CSPG4: variants seen among roughly 807,000 people sequenced by gnomAD.
CSPG4 encodes chondroitin sulfate proteoglycan 4 (melanoma-associated).
In CSPG4, 74 loss-of-function variants were observed where a neutral mutation model predicts 139.3. The ratio of observed to expected loss-of-function variants is 0.53; its 90% CI spans 0.44 to 0.64. The LOEUF (loss-of-function observed/expected upper bound fraction) is 0.64. Ranked by LOEUF, CSPG4 falls within the 30% of genes least tolerant of loss-of-function variation. The pLI, the probability that CSPG4 is intolerant of heterozygous loss-of-function variation, is 0.00. For missense variants in CSPG4, 2,565 were observed against 3,148.3 expected (o/e 0.81, Z 4.43); for synonymous variants, 1,234 against 1,394.2 (o/e 0.89, Z 2.56).
At chr15:75,694,012 T>C (rs1369216841) in intron 1 of CSPG4, among the ~76,000 whole-genome samples, 1 of 152,238 alleles carries the variant, frequency 6.6e-6, no homozygotes, top group East Asian at 1.9e-4. Context: ...GGAGAGCTAT[T>C]CACAGTCCCC....
At chr15:75,695,683 G>C (rs921211493) in intron 1 of CSPG4, among the ~76,000 whole-genome samples, 5 of 152,140 alleles carry the variant, frequency 3.3e-5, no homozygotes, top group African/African-American at 4.8e-5. Flanking sequence ...AGTTGAAGAG[G>C]GGCTTCAAAT....
Position 75,678,437 on chromosome 15 carries a change from C to T in CSPG4, c.4951-551G>A. 4.3e-5 allele frequency: 15 copies of T among 350,852 alleles called. 1 individual carries two copies. The highest frequency in any genetic ancestry group is 2.3e-4 in the South Asian group (11 of 46,858). The allele number at this position is 350,852 out of a possible 1,614,324, so 21.7% of individuals were successfully genotyped here. ...GCGTGATCATGGCTCACTGCAGCCT[C>T]GACCTCCAGGGCTCAAGCGATCCTC... On this transcript the variant is annotated intron_variant, in intron 8 of 9. Coordinates refer to ENST00000308508, the MANE Select transcript of CSPG4 (RefSeq NM_001897.5).
chr15:75,688,794 C>G lies in CSPG4; in HGVS notation c.2271G>C (p.Glu757Asp). 6.2e-7 allele frequency: 1 copy of G among 1,612,932 alleles called. No homozygotes were observed. Among genetic ancestry groups the G allele is most frequent in the Non-Finnish European group, 8.5e-7 (1 of 1,179,888 alleles). ...DPQHHAYDTV[E>D]NLALEVQVGQ... ...CCACCTGCACCTCCAGGGCCAGGTT[C>G]TCCACGGTGTCGTAAGCGTGGTGCT... Residue 757 changes from glutamate to aspartate, a missense_variant, in exon 3 of 10, where the codon GAG becomes GAC. This residue lies in a region of CSPG4 where 2,316 missense variants were observed against 2,818.2 expected (regional missense o/e 0.82). Coordinates refer to ENST00000308508, the MANE Select transcript of CSPG4 (RefSeq NM_001897.5).
intron 4 of CSPG4, 44 bp from the exon 5 acceptor site, chr15:75,684,956 C>T: frequency 6.4e-7 from 1 of 1,568,998 alleles, no homozygotes; most frequent in Non-Finnish European, 8.7e-7. Flanking sequence ...CAGCAGCACC[C>T]TTCATGCCCT....
chr15:75,705,015 G>T (rs933210328), intron 1 of CSPG4, among the ~76,000 whole-genome samples: 17 of 152,196 alleles, frequency 1.1e-4, no homozygotes, highest in African/African-American at 4.1e-4. Flanking sequence ...AAGGTCTTGG[G>T]GCCTGCTCAT....
At position 75,688,198 on chromosome 15, in the gene CSPG4, A is replaced by G. The variant is rs1894093740; in HGVS notation, c.2867T>C (p.Met956Thr). 1 of 1,612,884 alleles carries G rather than the reference A, an allele frequency of 6.2e-7. No homozygotes were observed. The highest frequency in any genetic ancestry group is 1.3e-5 in the African/African-American group (1 of 75,068). The change falls in exon 3 of 10, where the codon ATG becomes ACG. Residue 956 changes from methionine to threonine, a missense_variant. Transcript: ENST00000308508. ...GTCTTCATTGGTGAAGGATGTCACC[A>G]TAGTGGTCTTGTCCTGTGTCCCACG... Reference protein sequence around the residue: ...AWRGTQDKTTMVTSFTNEDLL... With the variant: ...AWRGTQDKTTTVTSFTNEDLL...
chr15:75,690,906 G>T, intron 2 of CSPG4, 94 bp from the exon 3 acceptor site: 1 of 1,367,668 alleles, frequency 7.3e-7, no homozygotes, highest in Non-Finnish European at 9.9e-7. Context: ...TTGCAGTGGT[G>T]GCTCATGCCT....
rs530215569 is a variant in CSPG4 at position 75,687,391 on chromosome 15, G to A, written c.3674C>T (p.Thr1225Ile). 3 of 1,613,000 alleles carry A rather than the reference G, an allele frequency of 1.9e-6. No individual in the cohort carries two copies. Among genetic ancestry groups the A allele is most frequent in the East Asian group, 4.5e-5 (2 of 44,884 alleles). Residue 1225 changes from threonine to isoleucine, a missense_variant, in exon 3 of 10, where the codon ACC becomes ATC. Around this residue, in one of 5 missense-constraint regions of CSPG4, gnomAD observed 2,316 missense variants for 2,818.2 expected, o/e 0.82. Transcript: ENST00000308508. The surrounding 1 kb of genome is among the most constrained non-coding windows in gnomAD (Gnocchi z 5.4). ...CTCTAGGGCAATGGTCACTTGTAGGGTGGCATCCGTGTGCACTGGCCCTGC... is the reference window on the plus strand; with the variant it reads ...CTCTAGGGCAATGGTCACTTGTAGGATGGCATCCGTGTGCACTGGCCCTGC... ...VEAGPVHTDA[T>I]LQVTIALEGP...
chr15:75,703,372 G>A (rs1355736375), intron 1 of CSPG4, among the ~76,000 whole-genome samples: 2 of 151,726 alleles, frequency 1.3e-5, no homozygotes, highest in Non-Finnish European at 2.9e-5. Flanking sequence ...GAAGCCGTGA[G>A]GGGAGACTGA....
Position 75,676,246 on chromosome 15 carries a change from A to G in CSPG4, c.6273T>C (p.His2091=). ...PRFRLLEGPR[H]GRVVRVPRAR... ...CTCGGGGCACGCGGACCACGCGGCC[A>G]TGCCGGGGTCCCTCCAGGAGGCGGA... Residue 2091 remains histidine, a synonymous_variant, in exon 10 of 10, where the codon CAT becomes CAC. Transcript: ENST00000308508. 1.3e-6 allele frequency: 2 copies of G among 1,559,424 alleles called. No homozygotes were observed. The highest frequency in any genetic ancestry group is 1.7e-6 in the Non-Finnish European group (2 of 1,158,986).
At chr15:75,686,676 A>C (rs1401480417) in intron 3 of CSPG4, among the ~76,000 whole-genome samples, 1 of 152,146 alleles carries the variant, frequency 6.6e-6, no homozygotes. Context: ...TGTCGGCCCC[A>C]AGCTCCAGAC....
Position 75,689,010 on chromosome 15 carries a change from G to C in CSPG4, c.2055C>G (p.Asn685Lys), listed in dbSNP as rs757025403. The C allele has an allele frequency of 1.2e-6, 2 of 1,612,120 alleles. No homozygotes were observed. Among genetic ancestry groups the C allele is most frequent in the Admixed American group, 1.7e-5 (1 of 60,014 alleles). ...QGSAMPILPANLSVETNAVGQ... is the reference protein window; with the variant it reads ...QGSAMPILPAKLSVETNAVGQ... ...CCACGGCATTGGTCTCCACCGACAG[G>C]TTGGCGGGCAAGATGGGCATGGCAG... Residue 685 changes from asparagine to lysine, a missense_variant, in exon 3 of 10, where the codon AAC (asparagine) becomes AAG (lysine). Coordinates refer to ENST00000308508, the MANE Select transcript of CSPG4 (RefSeq NM_001897.5).
In CSPG4 at chr15:75,690,820, G is replaced by C; in HGVS notation, c.253-8C>G. On this transcript the variant is annotated splice_polypyrimidine_tract_variant and splice_region_variant and intron_variant, in intron 2 of 9. Coordinates refer to ENST00000308508, the MANE Select transcript of CSPG4 (RefSeq NM_001897.5). ...GCCCAGAACAAGTCTGACCTGAAGA[G>C]AGATGGGGAGTGGGAGATAGTGGAC... 6.9e-6 allele frequency: 11 copies of C among 1,597,064 alleles called. No homozygotes were observed. The highest frequency in any genetic ancestry group is 9.4e-6 in the Non-Finnish European group (11 of 1,169,158).
intron 1 of CSPG4, among the ~76,000 whole-genome samples, chr15:75,695,223 A>G (rs1251490449): frequency 2.0e-5 from 3 of 152,092 alleles, no homozygotes; most frequent in Non-Finnish European, 4.4e-5. Flanking sequence ...GTATATGTAG[A>G]CCCGCCAAGT....
At chr15:75,686,444 G>A (rs937629345) in intron 3 of CSPG4, among the ~76,000 whole-genome samples, 11 of 151,938 alleles carry the variant, frequency 7.2e-5, no homozygotes, top group African/African-American at 2.4e-4. Flanking sequence ...CAGAGCTCAC[G>A]CCCCAAAGGC....
Position 75,712,780 on chromosome 15 carries a change from T to C in CSPG4, c.-25A>G. 1 of 1,529,496 alleles carries C rather than the reference T, an allele frequency of 6.5e-7. No individual in the cohort carries two copies. The allele number at this position is 1,529,496 out of a possible 1,614,324, so 94.7% of individuals were successfully genotyped here. A position where few individuals can be genotyped will look rare whatever the true frequency, so the allele number is the denominator to read the frequency against. The stretch of plus-strand genomic sequence containing the variant: ...TCCCGGCGGGCTGGGCGGCAGGACT[T>C]GCGAGGAGCCAGCGGAGTCCTGGGA... On this transcript the variant is annotated 5_prime_UTR_variant, in exon 1 of 10. Coordinates refer to ENST00000308508, the MANE Select transcript of CSPG4 (RefSeq NM_001897.5).
chr15:75,676,761 T>G lies in CSPG4; in HGVS notation c.5758A>C (p.Ser1920Arg). The change falls in exon 10 of 10, where the codon AGC (serine) becomes CGC (arginine). Residue 1920 changes from serine to arginine, a missense_variant. Physicochemically the swap from Ser to Arg is moderately radical, Grantham distance 110. This residue lies in a region of CSPG4 where 2,316 missense variants were observed against 2,818.2 expected (regional missense o/e 0.82). Coordinates refer to ENST00000308508, the MANE Select transcript of CSPG4 (RefSeq NM_001897.5). The stretch of plus-strand genomic sequence containing the variant: ...GGTGGGCTGGCCCCATCAGACATGC[T>G]CAGCTGGAAGATGCCTGCCACGCTG... The part of the protein sequence containing the change: ...GSSVAGIFQL[S>R]MSDGASPPLP... 6.4e-7 allele frequency: 1 copy of G among 1,554,500 alleles called. No individual in the cohort carries two copies. The highest frequency in any genetic ancestry group is 2.3e-5 in the East Asian group (1 of 44,094).
intron 1 of CSPG4, among the ~76,000 whole-genome samples, chr15:75,704,308 A>G (rs1442787757): frequency 1.3e-5 from 2 of 152,114 alleles, no homozygotes; most frequent in Admixed American, 6.5e-5. Flanking sequence ...AGGTAGCCCA[A>G]GGGCTGTGGC....
intron 8 of CSPG4, chr15:75,678,661 A>T: frequency 2.2e-6 from 1 of 456,002 alleles, no homozygotes; most frequent in Non-Finnish European, 4.4e-6. Context: ...GCCAGAAAAA[A>T]CTATTCTTGA....
Sources: allele counts gnomAD v4.1 joint callset (sites outside exome capture counted in the v4.1 genomes callset), GRCh38; gene constraint gnomAD v4.1.1; regional missense constraint gnomAD v4.1.1; non-coding constraint Gnocchi (gnomAD v3.1); transcripts MANE v1.5; gene names NCBI Gene and HGNC (gene_info 2026-07-23, HGNC 2026-07-21).